The following NHS variants were observed in gnomAD, a reference collection of about 807,000 sequenced individuals.
The protein encoded by NHS is NHS actin remodeling regulator.
In NHS, 5 loss-of-function variants were observed where a neutral mutation model predicts 72.5. That is an observed-to-expected ratio of 0.07 (90% CI 0.04 to 0.14). The LOEUF is 0.14. Ranked by LOEUF, NHS falls within the 10% of genes least tolerant of loss-of-function variation. The pLI is 1.00. For missense variants in NHS, 1,072 were observed against 1,355.7 expected, an observed-to-expected ratio of 0.79 and a Z score of 3.29; for synonymous variants, 464 against 547.7, an observed-to-expected ratio of 0.85 and a Z score of 2.13.
intron 1 of NHS, among the ~76,000 whole-genome samples, chrX:17,458,815 A>G (rs1217705238): frequency 8.9e-6 from 1 of 112,195 alleles, no homozygotes; most frequent in African/African-American, 3.2e-5. Flanking sequence ...CTTTGGGTCC[A>G]GTAATTGATT....
rs908863006 is a variant in NHS, at chrX:17,728,078, A to G, written c.3972A>G (p.Thr1324=). The G allele has an allele frequency of 2.5e-6, 3 of 1,211,922 alleles. No homozygotes were observed. The highest frequency in any genetic ancestry group is 1.8e-5 in the South Asian group (1 of 57,018). The change falls in exon 7 of 9, where the codon ACA becomes ACG. Residue 1324 remains threonine, a synonymous_variant. Coordinates refer to ENST00000676302, the MANE Select transcript of NHS (RefSeq NM_001291867.2). ...AACCTGAATCTGTGGATGTAATCAC[A>G]TCTCAGTCAGACTCACCAACTAGAG... ...VAQPESVDVI[T]SQSDSPTRAT...
intron 1 of NHS, among the ~76,000 whole-genome samples, chrX:17,500,885 G>A (rs1320010180): frequency 8.9e-6 from 1 of 111,854 alleles, no homozygotes; most frequent in African/African-American, 3.2e-5. Context: ...CCTGAAAGTG[G>A]GGATAATAGT....
rs926361444 is a variant in NHS, at chrX:17,682,297, TAGC to T, written c.566-5442_566-5440del. ...TGGCTCCTGAGGATTGGCTTCAGCA[TAGC>T]AGGGACCTGGAGAACAAACTGGCTA... is the stretch of plus-strand genomic sequence containing the variant. On this transcript the variant is annotated intron_variant, in intron 1 of 8. Coordinates refer to ENST00000676302, the MANE Select transcript of NHS (RefSeq NM_001291867.2). Among the ~76,000 whole-genome samples, 27 of 112,021 alleles carry T rather than the reference TAGC, an allele frequency of 2.4e-4. No individual in the cohort carries two copies. The Admixed American group carries it at 2.5e-3, about 10-fold the overall frequency.
intron 1 of NHS, chrX:17,687,481 C>T (rs1159307796): frequency 7.4e-6 from 3 of 404,909 alleles, no homozygotes; most frequent in South Asian, 3.3e-5. Context: ...AATGAAGGTA[C>T]GGAGAGGAAA....
At chrX:17,568,079 T>TAAATAAATTCAACC (rs752411961) in intron 1 of NHS, among the ~76,000 whole-genome samples, 25 of 111,630 alleles carry the variant, frequency 2.2e-4, no homozygotes, top group Non-Finnish European at 4.0e-4. Flanking sequence ...TCAGAACCAG[T>TAAATAAATTCAACC]AAATAAATTC....
intron 1 of NHS, among the ~76,000 whole-genome samples, chrX:17,403,818 T>A (rs1005568478): frequency 8.9e-6 from 1 of 111,777 alleles, no homozygotes; most frequent in African/African-American, 3.3e-5. Context: ...CCTTCACTCC[T>A]GGCCACATCT....
At chrX:17,562,535 G>C (rs2065420954) in intron 1 of NHS, among the ~76,000 whole-genome samples, 1 of 111,283 alleles carries the variant, frequency 9.0e-6, no homozygotes, top group African/African-American at 3.3e-5. Flanking sequence ...TGAGGTGAGA[G>C]GTATAAGGGA....
intron 4 of NHS, among the ~76,000 whole-genome samples, chrX:17,720,910 C>T (rs6629241): frequency 3.6e-5 from 4 of 111,931 alleles, no homozygotes; most frequent in African/African-American, 1.3e-4. Context: ...TAAAAAATGC[C>T]GTAGTCCTGG....
rs577681636 is a variant in NHS, at chrX:17,727,505, T to A, written c.3399T>A (p.Ile1133=). ...CGAATCCTCCACCGTCCCTTGCAAT[T>A]ACACCAACGATCCTGAAATCTGTTA... The part of the protein sequence containing the change: ...LRSNPPPSLA[I]TPTILKSVNL... Residue 1133 remains isoleucine, a synonymous_variant, in exon 7 of 9, where the codon ATT becomes ATA. Transcript: ENST00000676302. 1 of 1,211,517 alleles carries A rather than the reference T, an allele frequency of 8.3e-7. No homozygotes were observed. Among genetic ancestry groups the A allele is most frequent in the South Asian group, 1.8e-5 (1 of 56,972 alleles).
At chrX:17,695,030 C>G (rs2066219304) in intron 3 of NHS, among the ~76,000 whole-genome samples, 1 of 112,293 alleles carries the variant, frequency 8.9e-6, no homozygotes, top group Admixed American at 9.4e-5. Flanking sequence ...GTGCAAGTGC[C>G]TAGCACAGTG....
intron 1 of NHS, chrX:17,687,252 A>AG (rs1456664309): frequency 3.0e-5 from 5 of 166,703 alleles, no homozygotes; most frequent in Non-Finnish European, 5.8e-5. Context: ...GGACAGAGGC[A>AG]GGGCAAGGTA....
At chrX:17,679,007 G>A (rs1393239957) in intron 1 of NHS, among the ~76,000 whole-genome samples, 1 of 110,821 alleles carries the variant, frequency 9.0e-6, no homozygotes, top group Admixed American at 9.6e-5. Flanking sequence ...CATTTTTCCT[G>A]CTGAAAAACC....
chrX:17,719,409 A>G lies in NHS; in HGVS notation c.915+3A>G. 8.6e-7 allele frequency: 1 copy of G among 1,158,809 alleles called. No homozygotes were observed. Among genetic ancestry groups the G allele is most frequent in the Non-Finnish European group, 1.2e-6 (1 of 865,305 alleles). ...ACATGACCCCGTGGAGTAGAAAGGT[A>G]TTGGTTCTGAGAACATTCCTTCACG... On this transcript the variant is annotated splice_donor_region_variant and intron_variant, in intron 4 of 8. Transcript: ENST00000676302.
At chrX:17,723,770 T>TGTGTGTGTGTGTGTGTGCGTGTGCGC (rs541219770) in intron 5 of NHS, among the ~76,000 whole-genome samples, 6 of 91,335 alleles carry the variant, frequency 6.6e-5, no homozygotes, top group African/African-American at 3.0e-4. Context: ...TGTGTGTGTG[T>TGTGTGTGTGTGTGTGTGCGTGTGCGC]GCGCGCGCGT....
chrX:17,467,105 C>G (rs1459421554), intron 1 of NHS, among the ~76,000 whole-genome samples: 1 of 111,405 alleles, frequency 9.0e-6, no homozygotes, highest in Non-Finnish European at 1.9e-5. Flanking sequence ...AGGGAACAGC[C>G]CTGGATCTCC....
At chrX:17,553,283 C>A (rs1296916300) in intron 1 of NHS, among the ~76,000 whole-genome samples, 2 of 112,918 alleles carry the variant, frequency 1.8e-5, no homozygotes, top group Non-Finnish European at 3.7e-5. Context: ...GCCCTGCCCT[C>A]CCAGTGGGAG....
chrX:17,563,493 A>T (rs891118862), intron 1 of NHS, among the ~76,000 whole-genome samples: 1 of 112,559 alleles, frequency 8.9e-6, no homozygotes, highest in Non-Finnish European at 1.9e-5. Context: ...CCTTCACAGC[A>T]GAGGAGCTTT....
At chrX:17,677,575 C>T (rs1288615116) in intron 1 of NHS, among the ~76,000 whole-genome samples, 1 of 110,928 alleles carries the variant, frequency 9.0e-6, no homozygotes, top group Non-Finnish European at 1.9e-5. Context: ...CCAGTTCATG[C>T]TAAGGAGAGC....
intron 1 of NHS, among the ~76,000 whole-genome samples, chrX:17,517,953 A>G (rs764313206): frequency 9.0e-6 from 1 of 111,611 alleles, no homozygotes; most frequent in South Asian, 3.8e-4. Flanking sequence ...AAATCAGAGT[A>G]TTTCAAGGGT....
Sources: gnomAD v4.1 joint callset for allele counts (sites outside exome capture counted in the v4.1 genomes callset) on GRCh38, gnomAD v4.1.1 for gene constraint, MANE v1.5 for transcripts, NCBI Gene and HGNC (gene_info 2026-07-23, HGNC 2026-07-21) for gene names.